ART5: variants seen among roughly 807,000 people sequenced by gnomAD.
ART5 encodes the protein ADP-ribosyltransferase 5.
Under a neutral mutation model 25.0 loss-of-function variants are expected in ART5, and 22 were observed. That is an observed-to-expected ratio of 0.88 (90% CI 0.63 to 1.26). The LOEUF (loss-of-function observed/expected upper bound fraction) is 1.26, where lower values mean the gene tolerates loss of function less well. Ranked by LOEUF, ART5 falls within the 50% of genes most tolerant of loss-of-function variation. ART5 has a pLI of 0.00. For synonymous variants in ART5, 161 were observed against 154.8 expected (o/e 1.04, Z -0.30); for missense variants, 402 against 372.8 (o/e 1.08, Z -0.64).
chr11:3,641,031 CCG>C (rs1197299122), intron 1 of ART5, among the ~76,000 whole-genome samples: 1 of 152,192 alleles, frequency 6.6e-6, no homozygotes. Flanking sequence ...GAGTGAGCCA[CCG>C]CGCGCAGGCT....
Position 3,639,053 on chromosome 11 carries a change from G to A in ART5, c.788-18C>T. On this transcript the variant is annotated intron_variant, in intron 2 of 3. Coordinates refer to ENST00000397068, the MANE Select transcript of ART5 (RefSeq NM_053017.5). ...CTTCTCCCCTGCAACAGACAGCAGG[G>A]TGAGGCCTCCGCGTGGACAGACTCG... 2.6e-6 allele frequency: 4 copies of A among 1,551,016 alleles called. No individual in the cohort carries two copies. The highest frequency in any genetic ancestry group is 3.5e-6 in the Non-Finnish European group (4 of 1,147,504).
In ART5 at chr11:3,639,936, G is replaced by A. The variant is rs1247136254; in HGVS notation, c.493C>T (p.Leu165Phe). 4 of 1,614,172 alleles carry A rather than the reference G, an allele frequency of 2.5e-6. No individual in the cohort carries two copies. The highest frequency in any genetic ancestry group is 1.7e-5 in the Admixed American group (1 of 60,024). The change falls in exon 2 of 4, where the codon CTT becomes TTT. Residue 165 changes from leucine (L) to phenylalanine (F), a missense_variant. Coordinates refer to ENST00000397068, the MANE Select transcript of ART5 (RefSeq NM_053017.5). ...GEVVFRGVGS[L>F]RFEPKRLGDS... ...CCCAGCCTCTTGGGTTCAAAGCGAAGGCTGCCCACACCTCGGAACACCACC... is the reference window on the plus strand; with the variant it reads ...CCCAGCCTCTTGGGTTCAAAGCGAAAGCTGCCCACACCTCGGAACACCACC...
intron 3 of ART5, 96 bp from the exon 4 acceptor site, chr11:3,638,889 G>T (rs762902880): frequency 1.9e-6 from 3 of 1,610,536 alleles, no homozygotes; most frequent in Non-Finnish European, 2.5e-6. Flanking sequence ...CAGAGAGGAG[G>T]CCCCCTCAGA....
In ART5 at chr11:3,640,019, A is replaced by T; in HGVS notation, c.410T>A (p.Leu137Gln). The T allele has an allele frequency of 6.2e-7, 1 of 1,614,148 alleles. No homozygotes were observed. Among genetic ancestry groups the T allele is most frequent in the Non-Finnish European group, 8.5e-7 (1 of 1,180,024 alleles). The part of the protein sequence containing the change: ...HFPFKALHFY[L>Q]IRALQLLRGS... ...TCGCAGCAGCTGCAGGGCCCGGATC[A>T]GGTAGAAATGCAGGGCCTTGAAGGG... Residue 137 changes from leucine to glutamine, a missense_variant, in exon 2 of 4, where the codon CTG becomes CAG. Leu to Gln is a moderately radical substitution (Grantham distance 113). Coordinates refer to ENST00000397068, the MANE Select transcript of ART5 (RefSeq NM_053017.5).
At chr11:3,641,202 G>A (rs1297701945) in intron 1 of ART5, among the ~76,000 whole-genome samples, 1 of 152,180 alleles carries the variant, frequency 6.6e-6, no homozygotes, top group Non-Finnish European at 1.5e-5. Context: ...CATTAGAAAG[G>A]TTCTTGCAGT....
intron 1 of ART5, 85 bp downstream of exon 1, chr11:3,641,721 T>A (rs1024012777): frequency 1.9e-6 from 3 of 1,539,084 alleles, no homozygotes; most frequent in Non-Finnish European, 2.6e-6. Flanking sequence ...GGGAGAGGGA[T>A]GTGAGGAGTC....
At chr11:3,642,186 T>A, upstream of ART5, 1 of 1,188,872 alleles carries the variant, frequency 8.4e-7, no homozygotes, top group Non-Finnish European at 1.0e-6. Context: ...ACTTGAAGGC[T>A]GCGGAAGCCG....
rs764632596 is a variant in ART5 at position 3,638,872 on chromosome 11, AG to A, written c.821-80del. The A allele has an allele frequency of 3.7e-6, 6 of 1,613,174 alleles. No homozygotes were observed. The African/African-American group carries it at 4.0e-5, about 11-fold the overall frequency. ...CCAGGGGCCAAGAGCAGAGTCTTCCAGGGGGGCAGAGAGGAGGCCCCCTCAG... is the reference window on the plus strand; with the variant it reads ...CCAGGGGCCAAGAGCAGAGTCTTCCAGGGGGCAGAGAGGAGGCCCCCTCAG... On this transcript the variant is annotated intron_variant, in intron 3 of 3. Transcript: ENST00000397068.
Position 3,641,977 on chromosome 11 carries a change from TC to T in ART5, c.-116del. On this transcript the variant is annotated 5_prime_UTR_variant, in exon 1 of 4. Coordinates refer to ENST00000397068, the MANE Select transcript of ART5 (RefSeq NM_053017.5). ...GGACCCTGTCTCCAGGCGCACGGGA[TC>T]CCGGGTCCAGGATTAGGGCCCCGGC... is the stretch of plus-strand genomic sequence containing the variant. 1.4e-6 allele frequency: 2 copies of T among 1,473,698 alleles called. No homozygotes were observed. The highest frequency in any genetic ancestry group is 1.8e-6 in the Non-Finnish European group (2 of 1,109,486). 91.3% of individuals were successfully genotyped at this position (1,473,698 alleles called of 1,614,324 possible). A position where few individuals can be genotyped will look rare whatever the true frequency, so the allele number is the denominator to read the frequency against.
At chr11:3,642,281 C>T (rs1283797481), upstream of ART5, 21 of 1,033,652 alleles carry the variant, frequency 2.0e-5, no homozygotes, top group Non-Finnish European at 2.4e-5. Flanking sequence ...CAAAGGTTCT[C>T]GAGGCTAACT....
upstream of ART5, chr11:3,642,058 C>A (rs1214092607): frequency 7.0e-7 from 1 of 1,425,306 alleles, no homozygotes; most frequent in Non-Finnish European, 9.2e-7. Context: ...CAAGTCTCCG[C>A]CCCCGACTCC....
chr11:3,639,163 T>A, intron 2 of ART5, 128 bp from the exon 3 acceptor site: 1 of 1,062,566 alleles, frequency 9.4e-7, no homozygotes, highest in Non-Finnish European at 1.4e-6. Context: ...GGGAAACTTC[T>A]GATTTCCCTT....
intron 1 of ART5, among the ~76,000 whole-genome samples, chr11:3,640,823 C>T (rs1325566940): frequency 6.6e-6 from 1 of 152,224 alleles, no homozygotes; most frequent in Non-Finnish European, 1.5e-5. Context: ...CTCACTGCAA[C>T]CTCTGCCTCC....
At chr11:3,642,365 C>G (rs543191639), upstream of ART5, 744 of 878,758 alleles carry the variant, frequency 8.5e-4, 4 homozygotes, top group African/African-American at 0.012. Flanking sequence ...CGCGCCAGGG[C>G]AGGGACTGAG....
In ART5 at chr11:3,640,249, G is replaced by A. The variant is rs1257405549; in HGVS notation, c.180C>T (p.His60=). Residue 60 remains histidine, a synonymous_variant, in exon 2 of 4, where the codon CAC becomes CAT. Transcript: ENST00000397068. ...CCCAGGATTCCCGCAGCAGGGCATG[G>A]TGGGCCATTTCCTCCTTTAGCAGGG... ...AAPLLKEEMA[H]HALLRESWEA... 1 of 1,613,756 alleles carries A rather than the reference G, an allele frequency of 6.2e-7. No homozygotes were observed. Among genetic ancestry groups the A allele is most frequent in the Non-Finnish European group, 8.5e-7 (1 of 1,180,034 alleles).
chr11:3,641,033 G>A lies in ART5; in HGVS notation c.58-662C>T, dbSNP rs571606741. On this transcript the variant is annotated intron_variant, in intron 1 of 3. Coordinates refer to ENST00000397068, the MANE Select transcript of ART5 (RefSeq NM_053017.5). Reference sequence around the variant, plus strand: ...GCTGGGATTACAGGAGTGAGCCACCGCGCGCAGGCTGAAATCTTGACTTTA... The same window carrying A: ...GCTGGGATTACAGGAGTGAGCCACCACGCGCAGGCTGAAATCTTGACTTTA... 5.3e-5 allele frequency among the ~76,000 whole-genome samples: 8 copies of A among 152,280 alleles called. No homozygotes were observed. In the East Asian group the frequency reaches 9.6e-4, roughly 18 times the overall value.
chr11:3,638,513 C>G lies in ART5; in HGVS notation c.*225G>C, dbSNP rs1259378815. On this transcript the variant is annotated 3_prime_UTR_variant, in exon 4 of 4. Coordinates refer to ENST00000397068, the MANE Select transcript of ART5 (RefSeq NM_053017.5). ...AAACCAATCATAAAATTCCATGTCT[C>G]CACACTGCAATACCATTTAATCACG... 11 of 597,058 alleles carry G rather than the reference C, an allele frequency of 1.8e-5. No individual in the cohort carries two copies. The highest frequency in any genetic ancestry group is 4.5e-4 in the Middle Eastern group (1 of 2,246). The allele number at this position is 597,058 out of a possible 1,614,324, so 37.0% of individuals were successfully genotyped here.
rs779219965 is a variant in ART5, at chr11:3,640,120, C to T, written c.309G>A (p.Ser103=). The T allele has an allele frequency of 2.2e-5, 36 of 1,614,192 alleles. No homozygotes were observed. The highest frequency in any genetic ancestry group is 2.7e-5 in the Non-Finnish European group (32 of 1,180,042). The change falls in exon 2 of 4, where the codon TCG becomes TCA. Residue 103 remains serine (S), a synonymous_variant. Transcript: ENST00000397068. ...GIAIMVYTNS[S]NTLYWELNQA... ...GATTCAACTCCCAGTACAAGGTGTT[C>T]GATGAGTTGGTGTAGACCATAATGG...
intron 2 of ART5, 82 bp from the exon 3 acceptor site, chr11:3,639,117 A>G (rs540889855): frequency 2.1e-6 from 3 of 1,428,868 alleles, no homozygotes; most frequent in Non-Finnish European, 1.9e-6. Context: ...TGGCAGGGCC[A>G]TTTCCCTTCT....
Sources: gnomAD v4.1 joint callset for allele counts (sites outside exome capture counted in the v4.1 genomes callset) on GRCh38, gnomAD v4.1.1 for gene constraint, MANE v1.5 for transcripts, NCBI Gene and HGNC (gene_info 2026-07-23, HGNC 2026-07-21) for gene names.